NYAP2: variants seen among roughly 807,000 people sequenced by gnomAD.
The protein encoded by NYAP2 is neuronal tyrosine-phosphorylated phosphoinositide-3-kinase adapter 2.
A neutral mutation model predicts 50.4 loss-of-function variants in NYAP2; 23 were observed. The ratio of observed to expected loss-of-function variants is 0.46; its 90% CI spans 0.33 to 0.65. The LOEUF (loss-of-function observed/expected upper bound fraction) is 0.65. Ranked by LOEUF, NYAP2 falls within the 30% of genes least tolerant of loss-of-function variation. NYAP2 has a pLI of 0.02. For synonymous variants in NYAP2, 394 were observed against 365.2 expected (o/e 1.08, Z -0.90); for missense variants, 885 against 861.0 (o/e 1.03, Z -0.35).
At chr2:225,673,513 C>T in the NYAP2 span, among the ~76,000 whole-genome samples, 36 of 152,066 alleles carry the variant, frequency 2.4e-4, no homozygotes, top group African/African-American at 4.6e-4. Flanking sequence ...CACAATAAAA[C>T]GAGGTAAGCT....
intron 3 of NYAP2, among the ~76,000 whole-genome samples, chr2:225,412,430 G>A (rs911266712): frequency 6.6e-5 from 10 of 151,758 alleles, no homozygotes; most frequent in African/African-American, 2.2e-4. Context: ...GAAAGGAGGC[G>A]TCTAGAACAT....
intron 4 of NYAP2, among the ~76,000 whole-genome samples, chr2:225,533,468 C>G (rs1399994729): frequency 1.3e-5 from 2 of 152,162 alleles, no homozygotes; most frequent in East Asian, 3.9e-4. Context: ...GGGTGGAGTG[C>G]TTGAGCTCGG....
chr2:225,628,142 G>A (rs960606399), intron 6 of NYAP2, among the ~76,000 whole-genome samples: 2 of 152,094 alleles, frequency 1.3e-5, no homozygotes, highest in African/African-American at 4.8e-5. Context: ...AGCTTTGGTG[G>A]TAGAGCCATA....
At position 225,576,722 on chromosome 2, in the gene NYAP2, T is replaced by C. The variant is rs554641247; in HGVS notation, c.524-5219T>C. Among the ~76,000 whole-genome samples, 5 of 152,392 alleles carry C rather than the reference T, an allele frequency of 3.3e-5. No homozygotes were observed. In the East Asian group the frequency reaches 9.6e-4, roughly 29 times the overall value. Reference sequence around the variant, plus strand: ...CTGTTTAAAAGGATACTTTATGCCATATACAAAATAATGAATTGCATAGCT... The same window carrying C: ...CTGTTTAAAAGGATACTTTATGCCACATACAAAATAATGAATTGCATAGCT... On this transcript the variant is annotated intron_variant, in intron 4 of 6. Coordinates refer to ENST00000636099, the Ensembl canonical transcript of NYAP2.
intron 3 of NYAP2, among the ~76,000 whole-genome samples, chr2:225,443,303 C>T (rs1517499): frequency 0.85 from 129,722 of 152,186 alleles, 55,892 homozygotes; most frequent in African/African-American, 0.96. Context: ...GACAGACCCA[C>T]AGTAAGGCAT....
chr2:225,525,482 T>G (rs183715898), intron 4 of NYAP2, among the ~76,000 whole-genome samples: 11 of 152,204 alleles, frequency 7.2e-5, no homozygotes, highest in Admixed American at 7.2e-4. Flanking sequence ...TCAGATTAGA[T>G]GGAACTGGAA....
chr2:225,593,563 A>C (rs1388693435), intron 5 of NYAP2, among the ~76,000 whole-genome samples: 1 of 152,196 alleles, frequency 6.6e-6, no homozygotes, highest in East Asian at 1.9e-4. Context: ...GTCTTTGACT[A>C]CTTTTTTTCA....
At chr2:225,692,868 CAT>C in the NYAP2 span, among the ~76,000 whole-genome samples, 115 of 130,088 alleles carry the variant, frequency 8.8e-4, no homozygotes, top group East Asian at 0.026. Flanking sequence ...TATCTTTAAA[CAT>C]ACACACACAC....
chr2:225,419,842 A>G (rs1340297684), intron 3 of NYAP2, among the ~76,000 whole-genome samples: 2 of 152,196 alleles, frequency 1.3e-5, no homozygotes, highest in African/African-American at 2.4e-5. Flanking sequence ...AGAAAGCAAT[A>G]CAGGGGAAGA....
Position 225,582,576 on chromosome 2 carries a change from G to A in NYAP2, c.1159G>A (p.Val387Ile), listed in dbSNP as rs376429827. 37 of 1,596,130 alleles carry A rather than the reference G, an allele frequency of 2.3e-5. No homozygotes were observed. In the Middle Eastern group the frequency reaches 6.6e-4, roughly 29 times the overall value. The change falls in exon 5 of 7, where the codon GTC becomes ATC. Residue 387 changes from valine to isoleucine, a missense_variant. Coordinates refer to ENST00000636099, the Ensembl canonical transcript of NYAP2. This position sits in a 1 kb window ranked among gnomAD's most constrained non-coding sequence, Gnocchi z 7.0. ...GTCGCCCTCCACGCTGCCGTCCCAC[G>A]TCCCCGGCCATGCGAAACTGGAGAA...
chr2:225,496,774 C>A (rs1228849965), intron 3 of NYAP2, among the ~76,000 whole-genome samples: 7 of 151,982 alleles, frequency 4.6e-5, no homozygotes, highest in Admixed American at 4.6e-4. Context: ...TTTAAATGTG[C>A]TCTCAGTTAA....
At chr2:225,498,571 CTTTTT>C (rs35287009) in intron 3 of NYAP2, among the ~76,000 whole-genome samples, 1 of 146,350 alleles carries the variant, frequency 6.8e-6, no homozygotes, top group Non-Finnish European at 1.5e-5. Context: ...TTTTTTAGGA[CTTTTT>C]TTTTTTTTAG....
chr2:225,552,449 A>C (rs1004097463), intron 4 of NYAP2, among the ~76,000 whole-genome samples: 1 of 152,198 alleles, frequency 6.6e-6, no homozygotes, highest in African/African-American at 2.4e-5. Context: ...CGTCATCCAC[A>C]ATGTGATGAT....
chr2:225,655,774 G>A (rs948770318), downstream of NYAP2, among the ~76,000 whole-genome samples: 4 of 152,016 alleles, frequency 2.6e-5, no homozygotes, highest in East Asian at 3.9e-4. Flanking sequence ...AGAATGGAGC[G>A]GCTAAGATGT....
In NYAP2 at chr2:225,583,479, TA is replaced by T. The variant is rs138214336; in HGVS notation, c.1618+446del. Among the ~76,000 whole-genome samples the T allele has an allele frequency of 3.2e-4, 48 of 152,260 alleles. 2 individuals carry two copies. In the East Asian group the frequency reaches 8.3e-3, roughly 26 times the overall value. On this transcript the variant is annotated intron_variant, in intron 5 of 6. Transcript: ENST00000636099. ...TAAGCCAAATAGTGTATCTTGAATG[TA>T]AGCTGAAAGAATTAAAAATGACAAT...
downstream of NYAP2, among the ~76,000 whole-genome samples, chr2:225,657,067 G>T (rs1693840853): frequency 6.8e-6 from 1 of 146,786 alleles, no homozygotes; most frequent in Non-Finnish European, 1.5e-5. Context: ...AGCCAGGAGA[G>T]TAAGGCCTAG....
At chr2:225,497,904 T>G (rs1690536217) in intron 3 of NYAP2, among the ~76,000 whole-genome samples, 1 of 152,168 alleles carries the variant, frequency 6.6e-6, no homozygotes. Flanking sequence ...CTTTAGAGGT[T>G]GGAAATTTCT....
intron 5 of NYAP2, among the ~76,000 whole-genome samples, chr2:225,597,671 T>G (rs1309488667): frequency 6.6e-6 from 1 of 150,874 alleles, no homozygotes; most frequent in Non-Finnish European, 1.5e-5. Flanking sequence ...TCTGGGTAGG[T>G]ACCCAGTAGT....
At chr2:225,483,872 A>C (rs1574637616) in intron 3 of NYAP2, among the ~76,000 whole-genome samples, 1 of 152,210 alleles carries the variant, frequency 6.6e-6, no homozygotes, top group East Asian at 1.9e-4. Flanking sequence ...ATCTGGAGTC[A>C]AATACTTTCT....
Sources: gnomAD v4.1 joint callset for allele counts (sites outside exome capture counted in the v4.1 genomes callset) on GRCh38, gnomAD v4.1.1 for gene constraint, Gnocchi (gnomAD v3.1) non-coding constraint, MANE v1.5 for transcripts, NCBI Gene and HGNC (gene_info 2026-07-23, HGNC 2026-07-21) for gene names.